The following EVC variants were observed in gnomAD, a reference collection of about 807,000 sequenced individuals.
The protein encoded by EVC is evC complex member EVC.
Under a neutral mutation model 118.9 loss-of-function variants are expected in EVC, and 116 were observed. The observed-to-expected ratio is 0.98, with a 90% CI of 0.84 to 1.14. EVC has a LOEUF of 1.14. EVC is among the 50% of genes most tolerant of loss of function. The pLI is 0.00. For synonymous variants in EVC, 619 were observed against 534.7 expected (o/e 1.16, Z -2.18); for missense variants, 1,401 against 1,246.4 (o/e 1.12, Z -1.87).
chr4:5,774,611 G>A (rs1734453144), intron 11 of EVC, among the ~76,000 whole-genome samples: 1 of 152,088 alleles, frequency 6.6e-6, no homozygotes, highest in East Asian at 1.9e-4. Context: ...GGGAGGGCAG[G>A]TGGTGGTTTG....
At position 5,731,540 on chromosome 4, in the gene EVC, G is replaced by C. The variant is rs1726817711; in HGVS notation, c.500G>C (p.Gly167Ala). Residue 167 changes from glycine to alanine, a missense_variant, in exon 4 of 21, where the codon GGT (glycine) becomes GCT (alanine). Gly to Ala is a moderately conservative substitution (Grantham distance 60). Transcript: ENST00000264956. This position sits in a 1 kb window ranked among gnomAD's most constrained non-coding sequence, Gnocchi z 5.6. The stretch of plus-strand genomic sequence containing the variant: ...AGCAGTCTGGGGAGCCTGAGCCAGG[G>C]TGAGAAGGACGACTGCAGCTCCTCA... ...PSSSLGSLSQ[G>A]EKDDCSSSSS... 5 of 1,614,132 alleles carry C rather than the reference G, an allele frequency of 3.1e-6. No homozygotes were observed. The East Asian group carries it at 1.1e-4, about 36-fold the overall frequency.
At chr4:5,799,268 G>C (rs1291556891) in intron 15 of EVC, among the ~76,000 whole-genome samples, 1 of 152,172 alleles carries the variant, frequency 6.6e-6, no homozygotes. Context: ...GTAGACAGTG[G>C]TTTAACTCCT....
At chr4:5,771,293 C>T (rs1296083568) in intron 11 of EVC, among the ~76,000 whole-genome samples, 2 of 152,166 alleles carry the variant, frequency 1.3e-5, no homozygotes, top group African/African-American at 2.4e-5. Context: ...ACCCACATTC[C>T]TTGGCTCAGG....
At chr4:5,785,298 C>T (rs796983910) in intron 12 of EVC, among the ~76,000 whole-genome samples, 5 of 152,308 alleles carry the variant, frequency 3.3e-5, no homozygotes, top group African/African-American at 1.2e-4. Flanking sequence ...GCCCTGAGCC[C>T]CTGGCAGTGC....
At position 5,719,830 on chromosome 4, in the gene EVC, A is replaced by G. The variant is rs1724647064; in HGVS notation, c.300+457A>G. Among the ~76,000 whole-genome samples, 1 of 152,202 alleles carries G rather than the reference A, an allele frequency of 6.6e-6. No individual in the cohort carries two copies. The highest frequency in any genetic ancestry group is 1.9e-4 in the East Asian group (1 of 5,196). ...TCACCCATTTTTATTGCTCAGTGGC[A>G]GTCAACTGTGTGGATGTGCCACACT... On this transcript the variant is annotated intron_variant, in intron 2 of 20. Coordinates refer to ENST00000264956, the MANE Select transcript of EVC (RefSeq NM_153717.3). This position sits in a 1 kb window ranked among gnomAD's most constrained non-coding sequence, Gnocchi z 4.7.
intron 15 of EVC, chr4:5,801,711 T>G (rs1715012022): frequency 2.0e-6 from 1 of 501,004 alleles, no homozygotes; most frequent in Non-Finnish European, 3.6e-6. Flanking sequence ...GAAGGCCTCT[T>G]AGCCGACTTT....
intron 16 of EVC, among the ~76,000 whole-genome samples, chr4:5,802,407 A>T (rs978984248): frequency 5.3e-5 from 8 of 152,162 alleles, no homozygotes; most frequent in Admixed American, 2.0e-4. Flanking sequence ...TTTCAGCACC[A>T]GGGACTGGTT....
At chr4:5,778,241 T>C (rs1430320200) in intron 11 of EVC, among the ~76,000 whole-genome samples, 1 of 151,800 alleles carries the variant, frequency 6.6e-6, no homozygotes, top group Non-Finnish European at 1.5e-5. Flanking sequence ...TCTATCATTG[T>C]TGGACATTTG....
In EVC at chr4:5,733,563, T is replaced by C. The variant is rs1442296879; in HGVS notation, c.702+128T>C. On this transcript the variant is annotated intron_variant, in intron 5 of 20. Transcript: ENST00000264956. ...CAGTGGAAACAGAGCCGCTGTGAGG[T>C]GGGGGAAAGCGGCGCTGTCAGGCAT... The C allele has an allele frequency of 2.1e-5, 18 of 876,340 alleles. 1 individual carries two copies. In the South Asian group the frequency reaches 2.1e-4, roughly 10 times the overall value. The allele number at this position is 876,340 out of a possible 1,614,324, so 54.3% of individuals were successfully genotyped here.
intron 16 of EVC, among the ~76,000 whole-genome samples, chr4:5,804,343 TC>T (rs1328861663): frequency 2.6e-5 from 4 of 152,186 alleles, no homozygotes; most frequent in Non-Finnish European, 5.9e-5. Flanking sequence ...AGCCCAGACT[TC>T]CTAGCTCCTT....
Position 5,798,938 on chromosome 4 carries a change from A to C in EVC, c.2304+146A>C. 7.7e-6 allele frequency: 7 copies of C among 904,272 alleles called. No individual in the cohort carries two copies. The highest frequency in any genetic ancestry group is 3.2e-4 in the Middle Eastern group (1 of 3,126). The allele number at this position is 904,272 out of a possible 1,614,324, so 56.0% of individuals were successfully genotyped here. On this transcript the variant is annotated intron_variant, in intron 15 of 20. Transcript: ENST00000264956. This position sits in a 1 kb window ranked among gnomAD's most constrained non-coding sequence, Gnocchi z 4.1. ...GACTTCTCCATGACTTGATTTTCTC[A>C]TCTGTAAGGTGGGATCTTCTCCCTC...
At chr4:5,750,539 G>A (rs545772150) in intron 8 of EVC, among the ~76,000 whole-genome samples, 2 of 152,308 alleles carry the variant, frequency 1.3e-5, no homozygotes, top group South Asian at 4.1e-4. Context: ...TCCCACTGCA[G>A]TCTTGCCACT....
intron 11 of EVC, among the ~76,000 whole-genome samples, chr4:5,760,865 G>C (rs920852438): frequency 3.9e-5 from 6 of 152,182 alleles, no homozygotes; most frequent in Non-Finnish European, 8.8e-5. Flanking sequence ...CCCAAGGCCT[G>C]TGTCAGCATG....
At chr4:5,730,760 G>T (rs1726673968) in intron 3 of EVC, among the ~76,000 whole-genome samples, 1 of 151,952 alleles carries the variant, frequency 6.6e-6, no homozygotes. Context: ...CAGGTAGGGG[G>T]ACCAAAGTCT....
At chr4:5,728,405 A>G (rs1399267121) in intron 2 of EVC, among the ~76,000 whole-genome samples, 1 of 151,332 alleles carries the variant, frequency 6.6e-6, no homozygotes, top group Non-Finnish European at 1.5e-5. Context: ...AATGCTTGTG[A>G]TTTTTGTACA....
the EVC span, chr4:5,825,040 T>G: frequency 1.0e-6 from 1 of 985,156 alleles, no homozygotes; most frequent in Non-Finnish European, 1.2e-6. The surrounding 1 kb of genome is among the most constrained non-coding windows in gnomAD (Gnocchi z 4.4). Flanking sequence ...TATGGAGTAG[T>G]GAGGATAAAA....
intron 16 of EVC, 152 bp downstream of exon 16, chr4:5,802,246 A>G (rs565450700): frequency 5.1e-6 from 6 of 1,176,304 alleles, no homozygotes; most frequent in Non-Finnish European, 7.3e-6. Flanking sequence ...CTTTGTCTCA[A>G]AAAGCCTTTT....
chr4:5,762,064 A>T (rs1732133570), intron 11 of EVC, among the ~76,000 whole-genome samples: 1 of 36,788 alleles, frequency 2.7e-5, no homozygotes. Context: ...CCCCCACCCC[A>T]CATCAGTCCC....
At chr4:5,825,574 G>T in the EVC span, 2 of 1,602,330 alleles carry the variant, frequency 1.2e-6, no homozygotes, top group Non-Finnish European at 1.7e-6. This position sits in a 1 kb window ranked among gnomAD's most constrained non-coding sequence, Gnocchi z 4.4. Context: ...GGCTGAAGGA[G>T]CGGGAGTTGC....
Sources: allele counts gnomAD v4.1 joint callset (sites outside exome capture counted in the v4.1 genomes callset), GRCh38; gene constraint gnomAD v4.1.1; non-coding constraint Gnocchi (gnomAD v3.1); transcripts MANE v1.5; gene names NCBI Gene and HGNC (gene_info 2026-07-23, HGNC 2026-07-21).